ZFHX2: variants seen among roughly 807,000 people sequenced by gnomAD.
ZFHX2 encodes the protein zinc finger homeobox 2.
Under a neutral mutation model 164.8 loss-of-function variants are expected in ZFHX2, and 75 were observed. That is an observed-to-expected ratio of 0.46 (90% confidence interval 0.38 to 0.55). The LOEUF (loss-of-function observed/expected upper bound fraction) is 0.55, where lower values mean the gene tolerates loss of function less well. Among genes scored for constraint, ZFHX2 ranks in the 20% least tolerant of loss-of-function variants. ZFHX2 has a pLI of 0.00. For missense variants in ZFHX2, 2,933 were observed against 3,308.0 expected (o/e 0.89, Z 2.78); for synonymous variants, 1,217 against 1,351.4 (o/e 0.90, Z 2.18).
chr14:23,547,030 C>G (rs1402342317), intron 1 of ZFHX2, among the ~76,000 whole-genome samples: 1 of 152,196 alleles, frequency 6.6e-6, no homozygotes, highest in Non-Finnish European at 1.5e-5. Context: ...TGATTGGGTG[C>G]ATGTTTGTTT....
At chr14:23,554,817 G>A (rs35309020), upstream of ZFHX2, among the ~76,000 whole-genome samples, 13,972 of 152,146 alleles carry the variant, frequency 0.092, 901 homozygotes, top group East Asian at 0.25. Context: ...ATAGGAAGGA[G>A]TCCAGGAGTT....
rs1156584913 is a variant in ZFHX2, at chr14:23,534,841, G to C, written c.485C>G (p.Pro162Arg). The stretch of plus-strand genomic sequence containing the variant: ...GTGAAGGGCAGTGAGGTGTGAGGGG[G>C]GTGGGTAGGCAAGGAAGGGCAGACT... ...EPSLPFLAYP[P>R]PSHLTALHIQ... is the part of the protein sequence containing the mutation. Residue 162 changes from proline to arginine, a missense_variant, in exon 2 of 10, where the codon CCC (proline) becomes CGC (arginine). Pro to Arg is a moderately radical substitution (Grantham distance 103). Transcript: ENST00000419474. The surrounding 1 kb of genome is among the most constrained non-coding windows in gnomAD (Gnocchi z 4.5). 1.3e-6 allele frequency: 2 copies of C among 1,536,160 alleles called. No homozygotes were observed. Among genetic ancestry groups the C allele is most frequent in the Non-Finnish European group, 8.7e-7 (1 of 1,146,904 alleles).
At position 23,522,420 on chromosome 14, in the gene ZFHX2, GTTCAGGAGGCT is replaced by G; in HGVS notation, c.7250_7260del (p.Lys2417ThrfsTer11). 6.5e-7 allele frequency: 1 copy of G among 1,536,494 alleles called. No homozygotes were observed. The highest frequency in any genetic ancestry group is 8.7e-7 in the Non-Finnish European group (1 of 1,146,934). On this transcript the variant is annotated frameshift_variant, in exon 10 of 10. Transcript: ENST00000419474. LOFTEE classifies it high-confidence loss of function. ...GCTTCCCCCTCCCCTGGAGCAGGCA[GTTCAGGAGGCT>G]TTGGAGGTGCTGTGGCTGTGGGCTC...
upstream of ZFHX2, among the ~76,000 whole-genome samples, chr14:23,555,364 ACT>A (rs1447478026): frequency 6.6e-6 from 1 of 151,826 alleles, no homozygotes; most frequent in Non-Finnish European, 1.5e-5. Context: ...ACCGCTGGAA[ACT>A]CTGACAAACT....
intron 1 of ZFHX2, among the ~76,000 whole-genome samples, chr14:23,541,750 C>T (rs1440956225): frequency 1.3e-5 from 2 of 152,194 alleles, no homozygotes; most frequent in African/African-American, 2.4e-5. Flanking sequence ...TCTGGCCTTT[C>T]CCTGCATGTC....
Position 23,533,730 on chromosome 14 carries a change from G to A in ZFHX2, c.1596C>T (p.His532=). The change falls in exon 2 of 10, where the codon CAC becomes CAT. Residue 532 remains histidine (H), a synonymous_variant. Coordinates refer to ENST00000419474, the MANE Select transcript of ZFHX2 (RefSeq NM_033400.3). The surrounding 1 kb of genome is among the most constrained non-coding windows in gnomAD (Gnocchi z 4.8). ...NLSIHMQSDK[H]LANLQGFQAG... is the part of the protein sequence containing the mutation. ...CCTGGAAGCCCTGTAGGTTGGCCAG[G>A]TGCTTGTCAGACTGCATATGGATGC... is the stretch of plus-strand genomic sequence containing the variant. 1 of 1,553,290 alleles carries A rather than the reference G, an allele frequency of 6.4e-7. No individual in the cohort carries two copies. The highest frequency in any genetic ancestry group is 1.4e-5 in the African/African-American group (1 of 73,610).
Position 23,525,769 on chromosome 14 carries a change from A to G in ZFHX2, c.4173T>C (p.Ala1391=). The G allele has an allele frequency of 6.6e-7, 1 of 1,504,232 alleles. No homozygotes were observed. 93.2% of individuals were successfully genotyped at this position (1,504,232 alleles called of 1,614,324 possible). The change falls in exon 9 of 10, where the codon GCT becomes GCC. Residue 1391 remains alanine, a synonymous_variant. Coordinates refer to ENST00000419474, the MANE Select transcript of ZFHX2 (RefSeq NM_033400.3). This position sits in a 1 kb window ranked among gnomAD's most constrained non-coding sequence, Gnocchi z 5.9. ...GTTGGGGTGGAGGAGGAGGGGTGGC[A>G]GCTGGCAGGGACAGCACAGGTGCAG... The part of the protein sequence containing the change: ...AGPAPVLSLP[A]ATPPPPPQPP...
chr14:23,544,299 A>T (rs1881146807), intron 1 of ZFHX2: 1 of 151,952 alleles, frequency 6.6e-6, no homozygotes, highest in Admixed American at 6.6e-5. Context: ...AAAAAAAAAA[A>T]AGGGAATGGG....
Position 23,524,951 on chromosome 14 carries a change from C to T in ZFHX2, c.4991G>A (p.Gly1664Glu). ...GCAGCCGGAGGCTCCCCCAGTGCCT[C>T]CTCCGGTTGGCATGGACCCACCCTC... ...ACEGGSMPTG[G>E]GTGGASGCRR... Residue 1664 changes from glycine (G) to glutamate (E), a missense_variant, in exon 9 of 10, where the codon GGA becomes GAA. Physicochemically the swap from Gly to Glu is moderately conservative, Grantham distance 98. Transcript: ENST00000419474. This position sits in a 1 kb window ranked among gnomAD's most constrained non-coding sequence, Gnocchi z 5.6. 1 of 1,536,280 alleles carries T rather than the reference C, an allele frequency of 6.5e-7. No homozygotes were observed. The highest frequency in any genetic ancestry group is 1.4e-5 in the African/African-American group (1 of 73,172).
rs187638892 is a variant in ZFHX2 at position 23,526,234 on chromosome 14, G to A, written c.3708C>T (p.Ala1236=). The A allele has an allele frequency of 1.3e-4, 204 of 1,536,328 alleles. 3 individuals carry two copies. In the East Asian group the frequency reaches 1.3e-3, roughly 10 times the overall value. Reference sequence around the variant, plus strand: ...CTGTGGCAGCAGTGGTGGTGGGTGGGGCACCGGCCTCTCCCCGTGCAGGGG... The same window carrying A: ...CTGTGGCAGCAGTGGTGGTGGGTGGAGCACCGGCCTCTCCCCGTGCAGGGG... ...PSAPARGEAG[A]PPTTTAATDK... is the part of the protein sequence containing the mutation. Residue 1236 remains alanine (A), a synonymous_variant, in exon 9 of 10, where the codon GCC becomes GCT. Transcript: ENST00000419474.
chr14:23,545,426 G>A (rs1881289241), intron 1 of ZFHX2, among the ~76,000 whole-genome samples: 1 of 152,112 alleles, frequency 6.6e-6, no homozygotes, highest in Non-Finnish European at 1.5e-5. Flanking sequence ...ACAGCCTACT[G>A]CACTCCTTCC....
Position 23,526,017 on chromosome 14 carries a change from T to G in ZFHX2, c.3925A>C (p.Lys1309Gln). ...ATGAAGCCACTGGTGTCAGGGCCCT[T>G]CTTCTCAGTGCCCACCTCCCCCTCT... ...ETEGEVGTEKKGPDTSGFISG... is the reference protein window; with the variant it reads ...ETEGEVGTEKQGPDTSGFISG... Residue 1309 changes from lysine to glutamine, a missense_variant, in exon 9 of 10, where the codon AAG becomes CAG. Lys to Gln is a moderately conservative substitution (Grantham distance 53, BLOSUM62 1). Coordinates refer to ENST00000419474, the MANE Select transcript of ZFHX2 (RefSeq NM_033400.3). 6.5e-7 allele frequency: 1 copy of G among 1,535,128 alleles called. No individual in the cohort carries two copies. The highest frequency in any genetic ancestry group is 8.7e-7 in the Non-Finnish European group (1 of 1,146,244).
In ZFHX2 at chr14:23,524,575, T is replaced by A; in HGVS notation, c.5367A>T (p.Arg1789=). 1 of 1,534,558 alleles carries A rather than the reference T, an allele frequency of 6.5e-7. No homozygotes were observed. Among genetic ancestry groups the A allele is most frequent in the South Asian group, 1.2e-5 (1 of 83,698 alleles). Residue 1789 remains arginine (R), a synonymous_variant, in exon 9 of 10, where the codon CGA becomes CGT. Transcript: ENST00000419474. This position sits in a 1 kb window ranked among gnomAD's most constrained non-coding sequence, Gnocchi z 5.6. ...SSQDLLTSHR[R]LHFLPSLQPS... ...GCTGCAGAGATGGCAGGAAATGTAG[T>A]CGGCGGTGACTGGTCAGGAGGTCCT... is the stretch of plus-strand genomic sequence containing the variant.
intron 7 of ZFHX2, among the ~76,000 whole-genome samples, chr14:23,527,286 C>T (rs1211353917): frequency 1.3e-5 from 2 of 152,238 alleles, no homozygotes; most frequent in Non-Finnish European, 2.9e-5. Flanking sequence ...ACAGAAGCCT[C>T]TGCCTCATCT....
In ZFHX2 at chr14:23,522,070, G is replaced by A. The variant is rs750729691; in HGVS notation, c.7611C>T (p.Ala2537=). 2.1e-4 allele frequency: 322 copies of A among 1,536,220 alleles called. 1 individual carries two copies. The highest frequency in any genetic ancestry group is 2.4e-4 in the Non-Finnish European group (271 of 1,146,868). The part of the protein sequence containing the change: ...QGGPPISITN[A]ATAASAAVAF... Reference sequence around the variant, plus strand: ...CCACAGCAGCCGAGGCAGCAGTGGCGGCGTTGGTGATGGAGATGGGTGGGC... The same window carrying A: ...CCACAGCAGCCGAGGCAGCAGTGGCAGCGTTGGTGATGGAGATGGGTGGGC... The change falls in exon 10 of 10, where the codon GCC becomes GCT. Residue 2537 remains alanine, a synonymous_variant. Transcript: ENST00000419474.
chr14:23,522,202 G>T lies in ZFHX2; in HGVS notation c.7479C>A (p.Cys2493Ter). The part of the protein sequence containing the change: ...SMPPPLRVPI[C>*]TYHCLACEVL... ...CCTCACATGCCAGGCAGTGGTAGGT[G>T]CAGATGGGCACCCGCAATGGGGGTG... The change falls in exon 10 of 10, where the codon TGC becomes TGA. Residue 2493 changes from cysteine (C) to a stop codon, truncating the protein, a stop_gained. Transcript: ENST00000419474. LOFTEE classifies it high-confidence loss of function. 1 of 1,483,354 alleles carries T rather than the reference G, an allele frequency of 6.7e-7. No homozygotes were observed. The highest frequency in any genetic ancestry group is 8.9e-7 in the Non-Finnish European group (1 of 1,119,750). The allele number at this position is 1,483,354 out of a possible 1,614,324, so 91.9% of individuals were successfully genotyped here. A position where few individuals can be genotyped will look rare whatever the true frequency, so the allele number is the denominator to read the frequency against.
upstream of ZFHX2, among the ~76,000 whole-genome samples, chr14:23,554,038 CAAAAAAAAAAAAAAAAAA>C (rs61363455): frequency 5.5e-5 from 2 of 36,040 alleles, no homozygotes; most frequent in Admixed American, 7.0e-4. Flanking sequence ...GACTCTGTCT[CAAAAAAAAAAAAAAAAAA>C]AAAAAAAAAG....
rs1328638016 is a variant in ZFHX2 at position 23,522,440 on chromosome 14, G to C, written c.7241C>G (p.Ala2414Gly). 4.6e-6 allele frequency: 7 copies of C among 1,536,474 alleles called. No homozygotes were observed. Among genetic ancestry groups the C allele is most frequent in the Non-Finnish European group, 6.1e-6 (7 of 1,146,902 alleles). ...PPQPPEPTAT[A>G]PPKPPELPAP... ...AGGCAGTTCAGGAGGCTTTGGAGGT[G>C]CTGTGGCTGTGGGCTCAGGGGGCTG... The change falls in exon 10 of 10, where the codon GCA (alanine) becomes GGA (glycine). Residue 2414 changes from alanine to glycine, a missense_variant. Physicochemically the swap from Ala to Gly is moderately conservative, Grantham distance 60. Coordinates refer to ENST00000419474, the MANE Select transcript of ZFHX2 (RefSeq NM_033400.3).
Position 23,524,109 on chromosome 14 carries a change from G to A in ZFHX2, c.5833C>T (p.Leu1945Phe), listed in dbSNP as rs996147514. 2.0e-5 allele frequency: 31 copies of A among 1,534,954 alleles called. No individual in the cohort carries two copies. The Middle Eastern group carries it at 1.2e-3, about 58-fold the overall frequency. ...CCATCATCTACCTTGCCTAATAAGA[G>A]GTTGAACTTGGGCAAGGATGCAGGG... is the stretch of plus-strand genomic sequence containing the variant. ...ATPASLPKFN[L>F]LLGKVDDGTG... The change falls in exon 9 of 10, where the codon CTC becomes TTC. Residue 1945 changes from leucine (L) to phenylalanine (F), a missense_variant. Leu to Phe is a conservative substitution (Grantham distance 22). Transcript: ENST00000419474. This position sits in a 1 kb window ranked among gnomAD's most constrained non-coding sequence, Gnocchi z 5.6.
Sources: gnomAD v4.1 joint callset for allele counts (sites outside exome capture counted in the v4.1 genomes callset) on GRCh38, gnomAD v4.1.1 for gene constraint, Gnocchi (gnomAD v3.1) non-coding constraint, MANE v1.5 for transcripts, NCBI Gene and HGNC (gene_info 2026-07-23, HGNC 2026-07-21) for gene names.